CARD14: variants seen among roughly 807,000 people sequenced by gnomAD.
CARD14 encodes the protein caspase recruitment domain family member 14.
A neutral mutation model predicts 111.5 loss-of-function variants in CARD14; 107 were observed. The ratio of observed to expected loss-of-function variants is 0.96; its 90% CI spans 0.82 to 1.13. The LOEUF (loss-of-function observed/expected upper bound fraction) is 1.13. Ranked by LOEUF, CARD14 falls within the 50% of genes most tolerant of loss-of-function variation. CARD14 has a pLI of 0.00. For synonymous variants in CARD14, 617 were observed against 579.6 expected (o/e 1.06, Z -0.93); for missense variants, 1,322 against 1,362.3 (o/e 0.97, Z 0.47).
At chr17:80,191,274 C>A in intron 10 of CARD14, 49 bp from the exon 11 acceptor site, 1 of 1,587,622 alleles carries the variant, frequency 6.3e-7, no homozygotes, top group Non-Finnish European at 8.6e-7. Context: ...CTAGCTGAGG[C>A]TCCCCGGTGG....
intron 23 of CARD14, among the ~76,000 whole-genome samples, chr17:80,207,423 C>T (rs888158546): frequency 5.9e-5 from 9 of 152,218 alleles, no homozygotes; most frequent in Middle Eastern, 6.8e-3. Context: ...TGGCGGCGGG[C>T]GCCTGTAATC....
Position 80,189,886 on chromosome 17 carries a change from C to A in CARD14, c.963+14C>A. Reference sequence around the variant, plus strand: ...CAGCGAGAGCAGGTGCCGTGTGAGCCCTTCCTCCCTTGTGACTCTCCTGGG... The same window carrying A: ...CAGCGAGAGCAGGTGCCGTGTGAGCACTTCCTCCCTTGTGACTCTCCTGGG... On this transcript the variant is annotated intron_variant, in intron 9 of 23. Coordinates refer to ENST00000648509, the MANE Select transcript of CARD14 (RefSeq NM_001366385.1). This position sits in a 1 kb window ranked among gnomAD's most constrained non-coding sequence, Gnocchi z 4.7. The A allele has an allele frequency of 6.3e-7, 1 of 1,590,958 alleles. No individual in the cohort carries two copies. The highest frequency in any genetic ancestry group is 8.5e-7 in the Non-Finnish European group (1 of 1,171,262).
chr17:80,192,036 C>A (rs79553282), intron 11 of CARD14: 2,508 of 155,654 alleles, frequency 0.016, 69 homozygotes, highest in African/African-American at 0.057. Context: ...TTCCTTACCC[C>A]CTGCATGGCA....
intron 4 of CARD14, among the ~76,000 whole-genome samples, chr17:80,180,588 G>GT (rs1466356656): frequency 2.6e-5 from 4 of 151,592 alleles, no homozygotes; most frequent in South Asian, 2.1e-4. Context: ...TTTTTTTTTT[G>GT]TTTTTTTAGA....
In CARD14 at chr17:80,195,590, G is replaced by A. The variant is rs749289047; in HGVS notation, c.1532G>A (p.Gly511Glu). ...CTGGAGATCCCGGAGGGAGACCCGGGAGCCCTGCCGGGAGCTAAGGCAGGC... is the reference window on the plus strand; with the variant it reads ...CTGGAGATCCCGGAGGGAGACCCGGAAGCCCTGCCGGGAGCTAAGGCAGGC... The part of the protein sequence containing the change: ...SCLEIPEGDP[G>E]ALPGAKAGDP... The change falls in exon 14 of 24, where the codon GGA becomes GAA. Residue 511 changes from glycine to glutamate, a missense_variant. Gly to Glu is a moderately conservative substitution (Grantham distance 98, BLOSUM62 -2). Transcript: ENST00000648509. This position sits in a 1 kb window ranked among gnomAD's most constrained non-coding sequence, Gnocchi z 4.7. The A allele has an allele frequency of 1.3e-5, 21 of 1,612,874 alleles. No individual in the cohort carries two copies. The African/African-American group carries it at 2.4e-4, about 18-fold the overall frequency.
At position 80,195,902 on chromosome 17, in the gene CARD14, G is replaced by A; in HGVS notation, c.1594+250G>A. 2.0e-6 allele frequency: 1 copy of A among 509,434 alleles called. No homozygotes were observed. The highest frequency in any genetic ancestry group is 2.3e-5 in the South Asian group (1 of 42,600). The allele number at this position is 509,434 out of a possible 1,614,324, so 31.6% of individuals were successfully genotyped here. ...TGTGTTTTTCCCTAGAGCCAGGGGA[G>A]TTGTGTCTGATCCACGCCCTGCTCA... On this transcript the variant is annotated intron_variant, in intron 14 of 23. Coordinates refer to ENST00000648509, the MANE Select transcript of CARD14 (RefSeq NM_001366385.1). The surrounding 1 kb of genome is among the most constrained non-coding windows in gnomAD (Gnocchi z 4.7).
chr17:80,181,378 T>C (rs2040167507), intron 4 of CARD14, 41 bp from the exon 5 acceptor site: 8 of 1,483,106 alleles, frequency 5.4e-6, no homozygotes, highest in Non-Finnish European at 5.5e-6. Flanking sequence ...CCTGGGGTCC[T>C]GCTTACCTGA....
Position 80,192,623 on chromosome 17 carries a change from C to T in CARD14, c.1356+4C>T, listed in dbSNP as rs373428751. On this transcript the variant is annotated splice_donor_region_variant and intron_variant, in intron 12 of 23. Transcript: ENST00000648509. ...CAGCCTCGTCAGCTCCACAGAGGTACGGCCGCTCCTCCCGCCTCCCTCACT... is the reference window on the plus strand; with the variant it reads ...CAGCCTCGTCAGCTCCACAGAGGTATGGCCGCTCCTCCCGCCTCCCTCACT... 3.7e-4 allele frequency: 600 copies of T among 1,605,246 alleles called. 1 individual carries two copies. The highest frequency in any genetic ancestry group is 9.3e-4 in the Admixed American group (56 of 59,910).
intron 10 of CARD14, among the ~76,000 whole-genome samples, 174 bp downstream of exon 10, chr17:80,191,073 A>G (rs903010878): frequency 5.9e-5 from 9 of 152,238 alleles, no homozygotes; most frequent in Admixed American, 2.0e-4. Context: ...TGTTGTCCAC[A>G]TGCTGTCTCT....
At chr17:80,183,532 T>G (rs1295798835) in intron 6 of CARD14, among the ~76,000 whole-genome samples, 1 of 152,112 alleles carries the variant, frequency 6.6e-6, no homozygotes. Flanking sequence ...ACGGGGAAGG[T>G]CAGAGTGGGT....
chr17:80,197,543 A>AAAAAG (rs1555614391), intron 14 of CARD14: 4,257 of 143,902 alleles, frequency 0.03, 96 homozygotes, highest in Non-Finnish European at 0.043. Context: ...AAAAAAAAAA[A>AAAAAG]AAAGAAAGAA....
rs2041133593 is a variant in CARD14 at position 80,203,984 on chromosome 17, G to C, written c.2283+99G>C. The C allele has an allele frequency of 9.8e-7, 1 of 1,023,614 alleles. No individual in the cohort carries two copies. Among genetic ancestry groups the C allele is most frequent in the African/African-American group, 1.6e-5 (1 of 61,870 alleles). 63.4% of individuals were successfully genotyped at this position (1,023,614 alleles called of 1,614,324 possible). A position where few individuals can be genotyped will look rare whatever the true frequency, so the allele number is the denominator to read the frequency against. ...GGAGGCACTGTGTGGAGAGTGGGCT[G>C]CTGATTGGAGGGTAACCCCACCTGT... is the stretch of plus-strand genomic sequence containing the variant. On this transcript the variant is annotated intron_variant, in intron 19 of 23. Transcript: ENST00000648509. This position sits in a 1 kb window ranked among gnomAD's most constrained non-coding sequence, Gnocchi z 4.6.
rs1007743886 is a variant in CARD14 at position 80,188,258 on chromosome 17, G to T, written c.676-119G>T. The T allele has an allele frequency of 6.3e-5, 67 of 1,063,706 alleles. No individual in the cohort carries two copies. The highest frequency in any genetic ancestry group is 8.6e-5 in the Non-Finnish European group (67 of 778,960). The allele number at this position is 1,063,706 out of a possible 1,614,324, so 65.9% of individuals were successfully genotyped here. On this transcript the variant is annotated intron_variant, in intron 7 of 23. Coordinates refer to ENST00000648509, the MANE Select transcript of CARD14 (RefSeq NM_001366385.1). The surrounding 1 kb of genome is among the most constrained non-coding windows in gnomAD (Gnocchi z 4.5). The stretch of plus-strand genomic sequence containing the variant: ...CTTTCGTGGGTTTTTCAGTCTCGAG[G>T]CAGGAAGCCCCCTGAGTGCTAAAAG...
chr17:80,202,165 G>A lies in CARD14; in HGVS notation c.1979-15G>A, dbSNP rs199898989. Reference sequence around the variant, plus strand: ...TATCTGTGGCTCATCTGTGGCTCATGTCCCCTTTTATCAGGTTATAAGAGG... The same window carrying A: ...TATCTGTGGCTCATCTGTGGCTCATATCCCCTTTTATCAGGTTATAAGAGG... On this transcript the variant is annotated splice_polypyrimidine_tract_variant and intron_variant, in intron 17 of 23. Coordinates refer to ENST00000648509, the MANE Select transcript of CARD14 (RefSeq NM_001366385.1). The A allele has an allele frequency of 3.4e-3, 5,442 of 1,601,180 alleles. 21 individuals carry two copies. The highest frequency in any genetic ancestry group is 3.6e-3 in the Non-Finnish European group (4,224 of 1,169,548).
At chr17:80,174,575 C>G (rs369334336) in intron 2 of CARD14, among the ~76,000 whole-genome samples, 2 of 152,230 alleles carry the variant, frequency 1.3e-5, no homozygotes, top group South Asian at 2.1e-4. Context: ...TCCCCTACCC[C>G]CTACCCCGAT....
rs2040204123 is a variant in CARD14, at chr17:80,182,459, G to T, written c.212-194G>T. Among the ~76,000 whole-genome samples the T allele has an allele frequency of 6.6e-6, 1 of 152,202 alleles. No homozygotes were observed. Among genetic ancestry groups the T allele is most frequent in the Non-Finnish European group, 1.5e-5 (1 of 68,038 alleles). Reference sequence around the variant, plus strand: ...TCTCGAGTCTGACTGAGGTCATGGGGGTAAAGGGAGCCTGTGAGAGCAGTG... The same window carrying T: ...TCTCGAGTCTGACTGAGGTCATGGGTGTAAAGGGAGCCTGTGAGAGCAGTG... On this transcript the variant is annotated intron_variant, in intron 5 of 23. Coordinates refer to ENST00000648509, the MANE Select transcript of CARD14 (RefSeq NM_001366385.1). This position sits in a 1 kb window ranked among gnomAD's most constrained non-coding sequence, Gnocchi z 4.7.
chr17:80,208,024 A>G, intron 23 of CARD14, 114 bp from the exon 24 acceptor site: 1 of 739,128 alleles, frequency 1.4e-6, no homozygotes, highest in East Asian at 2.8e-5. Flanking sequence ...GTCCCCTCAA[A>G]GCGAGGCCAC....
In CARD14 at chr17:80,189,965, C is replaced by T. The variant is rs527662305; in HGVS notation, c.963+93C>T. 1.6e-5 allele frequency: 24 copies of T among 1,479,416 alleles called. No homozygotes were observed. Among genetic ancestry groups the T allele is most frequent in the East Asian group, 5.3e-5 (2 of 37,648 alleles). The allele number at this position is 1,479,416 out of a possible 1,614,324, so 91.6% of individuals were successfully genotyped here. ...TGGGGAAGCCAGATTCCTTCATCCA[C>T]GCCGAGCTCACATAATTTTGCTGAA... On this transcript the variant is annotated intron_variant, in intron 9 of 23. Coordinates refer to ENST00000648509, the MANE Select transcript of CARD14 (RefSeq NM_001366385.1). This position sits in a 1 kb window ranked among gnomAD's most constrained non-coding sequence, Gnocchi z 4.7.
intron 2 of CARD14, among the ~76,000 whole-genome samples, chr17:80,175,318 C>T (rs35945220): frequency 2.5e-3 from 382 of 152,284 alleles, no homozygotes; most frequent in South Asian, 6.0e-3. Flanking sequence ...GTTTTCCTTT[C>T]CTCATTTTGT....
Sources: allele counts gnomAD v4.1 joint callset (sites outside exome capture counted in the v4.1 genomes callset), GRCh38; gene constraint gnomAD v4.1.1; non-coding constraint Gnocchi (gnomAD v3.1); transcripts MANE v1.5; gene names NCBI Gene and HGNC (gene_info 2026-07-23, HGNC 2026-07-21).